The following DLG2 variants were observed in gnomAD, a reference collection of about 807,000 sequenced individuals.
DLG2 encodes the protein disks large homolog 2.
Under a neutral mutation model 132.5 loss-of-function variants are expected in DLG2, and 45 were observed. The ratio of observed to expected loss-of-function variants is 0.34; its 90% confidence interval spans 0.27 to 0.44. The LOEUF (loss-of-function observed/expected upper bound fraction) is 0.44. Among genes scored for constraint, DLG2 ranks in the 20% least tolerant of loss-of-function variants. DLG2 has a pLI of 1.00. For missense variants in DLG2, 1,045 were observed against 1,196.9 expected, an observed-to-expected ratio of 0.87 and a Z score of 1.87; for synonymous variants, 424 against 419.6, an observed-to-expected ratio of 1.01 and a Z score of -0.13.
chr11:84,666,112 A>G, intron 6 of DLG2, among the ~76,000 whole-genome samples: 2 of 152,134 alleles, frequency 1.3e-5, no homozygotes, highest in Non-Finnish European at 2.9e-5. Context: ...TTTGCTGCTC[A>G]GCCAGATTTT....
chr11:85,267,212 G>A (rs2077267904), intron 4 of DLG2, among the ~76,000 whole-genome samples: 1 of 152,182 alleles, frequency 6.6e-6, no homozygotes, highest in Admixed American at 6.5e-5. Flanking sequence ...CTCCCGCTCT[G>A]TTCTCTGCTA....
intron 17 of DLG2, among the ~76,000 whole-genome samples, chr11:83,789,702 C>A (rs2041012223): frequency 6.6e-6 from 1 of 152,166 alleles, no homozygotes; most frequent in African/African-American, 2.4e-5. Context: ...CACGTGCCAC[C>A]ACGCCCAGCT....
intron 6 of DLG2, among the ~76,000 whole-genome samples, chr11:84,726,449 C>G (rs897192564): frequency 3.3e-5 from 5 of 151,988 alleles, no homozygotes; most frequent in African/African-American, 1.2e-4. Flanking sequence ...TAAAGTCACC[C>G]TTTTTATGGC....
chr11:84,701,813 C>T (rs2059254950), intron 6 of DLG2, among the ~76,000 whole-genome samples: 1 of 151,566 alleles, frequency 6.6e-6, no homozygotes, highest in Non-Finnish European at 1.5e-5. Context: ...CCGAACAGTG[C>T]CTTCATTTGT....
At chr11:84,121,094 T>A (rs1364716470) in intron 9 of DLG2, among the ~76,000 whole-genome samples, 1 of 152,222 alleles carries the variant, frequency 6.6e-6, no homozygotes, top group Non-Finnish European at 1.5e-5. Flanking sequence ...TCTCTTTACC[T>A]GGCAATAGGT....
chr11:84,669,096 C>T (rs2099702970), intron 6 of DLG2, among the ~76,000 whole-genome samples: 2 of 151,924 alleles, frequency 1.3e-5, no homozygotes, highest in African/African-American at 4.8e-5. Flanking sequence ...CAGGGAAGGG[C>T]TCATAGAGAA....
At chr11:85,066,592 C>G (rs2064958343) in intron 6 of DLG2, among the ~76,000 whole-genome samples, 1 of 151,618 alleles carries the variant, frequency 6.6e-6, no homozygotes, top group Non-Finnish European at 1.5e-5. Context: ...AGATAATACA[C>G]CATGACCAAT....
At chr11:83,627,625 T>C (rs2062818722) in intron 19 of DLG2, among the ~76,000 whole-genome samples, 1 of 152,256 alleles carries the variant, frequency 6.6e-6, no homozygotes, top group Non-Finnish European at 1.5e-5. Context: ...GGTGGACATT[T>C]GGATTGGTTC....
chr11:85,279,839 T>A (rs2078123574), intron 4 of DLG2, among the ~76,000 whole-genome samples: 1 of 152,150 alleles, frequency 6.6e-6, no homozygotes, highest in South Asian at 2.1e-4. Context: ...AGGGACTACC[T>A]TAACTCCCTT....
chr11:85,354,267 T>C (rs2083519202), intron 3 of DLG2, among the ~76,000 whole-genome samples: 1 of 152,168 alleles, frequency 6.6e-6, no homozygotes, highest in Non-Finnish European at 1.5e-5. Flanking sequence ...AAAATTGATA[T>C]AAATTAAAAC....
At chr11:84,035,681 G>A (rs540482365) in intron 11 of DLG2, among the ~76,000 whole-genome samples, 5 of 152,142 alleles carry the variant, frequency 3.3e-5, no homozygotes, top group Non-Finnish European at 5.9e-5. Flanking sequence ...AGCTGGGGTT[G>A]ATATACCCTA....
chr11:85,224,065 A>AG (rs2074827742), intron 4 of DLG2, among the ~76,000 whole-genome samples: 1 of 152,182 alleles, frequency 6.6e-6, no homozygotes, highest in Non-Finnish European at 1.5e-5. Flanking sequence ...TTTATTACCT[A>AG]CCACTTAGTT....
intron 19 of DLG2, among the ~76,000 whole-genome samples, chr11:83,584,035 T>C (rs1410965371): frequency 6.6e-6 from 1 of 152,198 alleles, no homozygotes; most frequent in Non-Finnish European, 1.5e-5. Context: ...AGGCTTAGTC[T>C]TCTGATTCAC....
chr11:83,825,926 T>C (rs548926855), intron 17 of DLG2, among the ~76,000 whole-genome samples: 28 of 152,192 alleles, frequency 1.8e-4, no homozygotes, highest in Non-Finnish European at 4.0e-4. Flanking sequence ...TTGAATAGCA[T>C]CCCTGACCAT....
intron 5 of DLG2, among the ~76,000 whole-genome samples, chr11:85,128,241 A>T (rs1034713069): frequency 6.6e-6 from 1 of 152,180 alleles, no homozygotes; most frequent in African/African-American, 2.4e-5. Context: ...TTTCAAATGT[A>T]TAAGTATGGT....
Position 85,013,947 on chromosome 11 carries a change from A to G in DLG2, c.357+97714T>C, listed in dbSNP as rs542796402. The stretch of plus-strand genomic sequence containing the variant: ...TCTTTAAAAGACTTTTTTTGGTAAG[A>G]ATACATAGTAAGTTTCTTTATTTGT... On this transcript the variant is annotated intron_variant, in intron 6 of 27. Coordinates refer to ENST00000376104, the MANE Select transcript of DLG2 (RefSeq NM_001142699.3). 1.4e-4 allele frequency among the ~76,000 whole-genome samples: 22 copies of G among 152,274 alleles called. No homozygotes were observed. The East Asian group carries it at 4.0e-3, about 28-fold the overall frequency.
At chr11:85,059,908 T>C (rs2063864942) in intron 6 of DLG2, among the ~76,000 whole-genome samples, 1 of 151,486 alleles carries the variant, frequency 6.6e-6, no homozygotes, top group South Asian at 2.1e-4. Flanking sequence ...CTTGTATAAA[T>C]ACGTAAATAT....
chr11:85,396,835 C>T (rs185083108), intron 3 of DLG2, among the ~76,000 whole-genome samples: 2 of 152,260 alleles, frequency 1.3e-5, no homozygotes, highest in East Asian at 1.9e-4. Flanking sequence ...GAGAATTGAA[C>T]CAAGTTAGAA....
chr11:85,421,743 T>G (rs1720605874), intron 3 of DLG2, among the ~76,000 whole-genome samples: 1 of 152,114 alleles, frequency 6.6e-6, no homozygotes, highest in Non-Finnish European at 1.5e-5. Flanking sequence ...TGTTTTTTGT[T>G]TTTGTTTTTC....
Sources: gnomAD v4.1 joint callset for allele counts (sites outside exome capture counted in the v4.1 genomes callset) on GRCh38, gnomAD v4.1.1 for gene constraint, MANE v1.5 for transcripts, NCBI Gene and HGNC (gene_info 2026-07-23, HGNC 2026-07-21) for gene names.